The following RAI14 variants were observed in gnomAD, a reference collection of about 807,000 sequenced individuals.
The protein encoded by RAI14 is ankycorbin.
Under a neutral mutation model 115.4 loss-of-function variants are expected in RAI14, and 45 were observed. The ratio of observed to expected loss-of-function variants is 0.39; its 90% CI spans 0.31 to 0.50. The LOEUF (loss-of-function observed/expected upper bound fraction) is 0.50, where lower values mean the gene tolerates loss of function less well. RAI14 is among the 20% of genes least tolerant of loss of function. RAI14 has a pLI of 0.85. For synonymous variants in RAI14, 371 were observed against 415.4 expected (o/e 0.89, Z 1.30); for missense variants, 939 against 1,131.2 (o/e 0.83, Z 2.44).
intron 3 of RAI14, among the ~76,000 whole-genome samples, chr5:34,773,695 C>A (rs1314580860): frequency 1.3e-5 from 2 of 152,112 alleles, no homozygotes; most frequent in East Asian, 3.9e-4. Flanking sequence ...CAAATCAAAA[C>A]CACAATGAGA....
chr5:34,686,759 C>T (rs1744931450), intron 1 of RAI14, 113 bp from the exon 2 acceptor site: 8 of 512,408 alleles, frequency 1.6e-5, no homozygotes, highest in African/African-American at 7.8e-5. Flanking sequence ...GTTAACTGAC[C>T]ACCTTCCCAA....
intron 1 of RAI14, among the ~76,000 whole-genome samples, chr5:34,678,254 C>T (rs1028168612): frequency 2.6e-5 from 4 of 152,164 alleles, no homozygotes; most frequent in African/African-American, 9.7e-5. Flanking sequence ...CCTGCCACCA[C>T]ATCCAGCTGA....
chr5:34,701,578 T>G (rs1740075938), intron 2 of RAI14, among the ~76,000 whole-genome samples: 1 of 152,150 alleles, frequency 6.6e-6, no homozygotes, highest in Non-Finnish European at 1.5e-5. Context: ...ATGTTTAAAT[T>G]CACCTACAGC....
At chr5:34,804,505 A>G (rs987221291) in intron 5 of RAI14, among the ~76,000 whole-genome samples, 2 of 152,188 alleles carry the variant, frequency 1.3e-5, no homozygotes, top group African/African-American at 4.8e-5. Flanking sequence ...GTTCTGTTGA[A>G]CTGTTGTCTT....
chr5:34,776,800 CTTT>C (rs1561347522), intron 3 of RAI14, among the ~76,000 whole-genome samples: 299 of 149,390 alleles, frequency 2.0e-3, no homozygotes, highest in African/African-American at 6.9e-3. Context: ...GAGTGAGACC[CTTT>C]ATTAAAAAAA....
rs561518203 is a variant in RAI14 at position 34,678,161 on chromosome 5, G to A, written c.-48-8711G>A. Among the ~76,000 whole-genome samples the A allele has an allele frequency of 4.6e-5, 7 of 151,306 alleles. 1 individual carries two copies. Among genetic ancestry groups the A allele is most frequent in the Admixed American group, 2.0e-4 (3 of 15,196 alleles). On this transcript the variant is annotated intron_variant, in intron 1 of 17. Transcript: ENST00000265109. ...CACCCTGCCTGGAGTGCAGTGGCAC[G>A]ATCTTGGCTCACCGCAACCTCCACT...
chr5:34,680,804 T>A (rs1744329409), intron 1 of RAI14, among the ~76,000 whole-genome samples: 1 of 152,250 alleles, frequency 6.6e-6, no homozygotes, highest in South Asian at 2.1e-4. Flanking sequence ...CTCTTTGAAT[T>A]TCTACAGTAT....
intron 3 of RAI14, among the ~76,000 whole-genome samples, chr5:34,787,036 G>A (rs1330101897): frequency 6.6e-6 from 1 of 152,234 alleles, no homozygotes; most frequent in East Asian, 1.9e-4. Flanking sequence ...TCATGCTATT[G>A]TTTGTGGTTC....
chr5:34,819,763 T>G (rs1180548482), intron 13 of RAI14, among the ~76,000 whole-genome samples: 1 of 152,140 alleles, frequency 6.6e-6, no homozygotes, highest in African/African-American at 2.4e-5. Context: ...TATTTTTTAT[T>G]TATGTATTTA....
chr5:34,762,913 T>C (rs1419574856), intron 3 of RAI14, among the ~76,000 whole-genome samples: 1 of 150,992 alleles, frequency 6.6e-6, no homozygotes, highest in African/African-American at 2.4e-5. Flanking sequence ...TGTGTGTAGA[T>C]ATAAGGAGTG....
chr5:34,821,798 C>G lies in RAI14; in HGVS notation c.1061C>G (p.Ala354Gly). The G allele has an allele frequency of 6.2e-7, 1 of 1,612,328 alleles. No homozygotes were observed. The highest frequency in any genetic ancestry group is 8.5e-7 in the Non-Finnish European group (1 of 1,178,926). Residue 354 changes from alanine (A) to glycine (G), a missense_variant, in exon 14 of 18, where the codon GCA becomes GGA. Coordinates refer to ENST00000265109, the MANE Select transcript of RAI14 (RefSeq NM_015577.3). Reference sequence around the variant, plus strand: ...CAAGATCTTCTCTCTCTATTGCAAGCAAAAGTTGCTTCCCTTACCTTACAC... The same window carrying G: ...CAAGATCTTCTCTCTCTATTGCAAGGAAAAGTTGCTTCCCTTACCTTACAC... ...DQQDLLSLLQ[A>G]KVASLTLHNK... is the part of the protein sequence containing the mutation.
chr5:34,807,915 T>C, intron 6 of RAI14, 58 bp downstream of exon 6: 2 of 1,391,842 alleles, frequency 1.4e-6, no homozygotes, highest in Non-Finnish European at 2.0e-6. Flanking sequence ...ACTTTTCTTT[T>C]TCCTTATTCA....
intron 2 of RAI14, among the ~76,000 whole-genome samples, chr5:34,688,719 A>G (rs1288495521): frequency 6.6e-6 from 1 of 151,882 alleles, no homozygotes; most frequent in African/African-American, 2.4e-5. Flanking sequence ...TCCACATCCA[A>G]ATTGTTTCCC....
At chr5:34,703,186 G>T (rs1740290055) in intron 2 of RAI14, among the ~76,000 whole-genome samples, 1 of 152,130 alleles carries the variant, frequency 6.6e-6, no homozygotes, top group African/African-American at 2.4e-5. Context: ...AATAAAATAA[G>T]TGGAGAGAAA....
chr5:34,745,973 T>A (rs1200540913), intron 2 of RAI14, among the ~76,000 whole-genome samples: 1 of 152,096 alleles, frequency 6.6e-6, no homozygotes, highest in East Asian at 1.9e-4. Context: ...TCTTTACTAT[T>A]TCAGAGGTAG....
intron 3 of RAI14, among the ~76,000 whole-genome samples, chr5:34,790,382 C>T (rs1314439760): frequency 6.6e-6 from 1 of 152,150 alleles, no homozygotes; most frequent in Non-Finnish European, 1.5e-5. Flanking sequence ...TGATTTGTGC[C>T]TATTTCTTCT....
In RAI14 at chr5:34,661,237, TTTCAGA is replaced by T. The variant is rs149951173; in HGVS notation, c.-49+4778_-49+4783del. 4.4e-3 allele frequency among the ~76,000 whole-genome samples: 673 copies of T among 152,048 alleles called. 10 individuals are homozygous for T. Among genetic ancestry groups the T allele is most frequent in the African/African-American group, 0.015 (620 of 41,472 alleles). On this transcript the variant is annotated intron_variant, in intron 1 of 17. Transcript: ENST00000265109. ...TCAAAGAGTTTTGGACTTTGGAGCA[TTTCAGA>T]TTCAGATTCAGATTCCTGGTTTAGG...
rs1388349855 is a variant in RAI14 at position 34,814,664 on chromosome 5, T to C, written c.934T>C (p.Phe312Leu). ...ATCGGTATTTTTTGCTGAACCACCC[T>C]TCAAGGTATTTCCTTTCTGTATTCA... ...KESVFFAEPP[F>L]KAEISSIREN... Residue 312 changes from phenylalanine (F) to leucine (L), a missense_variant, in exon 12 of 18, where the codon TTC becomes CTC. By Grantham distance (22) the Phe-to-Leu change is conservative (BLOSUM62 0). Transcript: ENST00000265109. 1 of 1,599,568 alleles carries C rather than the reference T, an allele frequency of 6.3e-7. No homozygotes were observed.
In RAI14 at chr5:34,825,661, G is replaced by A. The variant is rs145954129; in HGVS notation, c.2650-669G>A. ...CTGGACACAAGAGATGGTGCTGGCC[G>A]TGCTGCTGGAGGAAGGAGGGAAGCA... On this transcript the variant is annotated intron_variant, in intron 15 of 17. Coordinates refer to ENST00000265109, the MANE Select transcript of RAI14 (RefSeq NM_015577.3). Among the ~76,000 whole-genome samples the A allele has an allele frequency of 3.3e-3, 504 of 152,124 alleles. 6 individuals carry two copies. The East Asian group carries it at 0.041, about 12-fold the overall frequency.
Sources: allele counts gnomAD v4.1 joint callset (sites outside exome capture counted in the v4.1 genomes callset), GRCh38; gene constraint gnomAD v4.1.1; transcripts MANE v1.5; gene names NCBI Gene and HGNC (gene_info 2026-07-23, HGNC 2026-07-21).